Variants in OTUD7A observed in about 807,000 individuals in gnomAD.
OTUD7A encodes the protein OTU domain-containing protein 7A.
A neutral mutation model predicts 65.7 loss-of-function variants in OTUD7A; 12 were observed. That is an observed-to-expected ratio of 0.18 (90% CI 0.12 to 0.30). The LOEUF (loss-of-function observed/expected upper bound fraction) is 0.30. OTUD7A is among the 10% of genes least tolerant of loss of function. The pLI is 1.00. For missense variants in OTUD7A, 1,148 were observed against 1,304.8 expected (o/e 0.88, Z 1.85); for synonymous variants, 641 against 586.3 (o/e 1.09, Z -1.35).
chr15:31,805,330 G>A (rs1176816499), intron 1 of OTUD7A, among the ~76,000 whole-genome samples: 1 of 152,208 alleles, frequency 6.6e-6, no homozygotes, highest in Non-Finnish European at 1.5e-5. Context: ...GCACTGGCAG[G>A]CTCCTGTAGA....
At chr15:31,765,311 T>C (rs1430992686) in intron 1 of OTUD7A, among the ~76,000 whole-genome samples, 6 of 152,128 alleles carry the variant, frequency 3.9e-5, no homozygotes, top group African/African-American at 9.7e-5. Flanking sequence ...AATTATTTCA[T>C]TGAGTTTTCA....
At chr15:31,630,450 T>C (rs1013379712) in intron 3 of OTUD7A, among the ~76,000 whole-genome samples, 1 of 152,264 alleles carries the variant, frequency 6.6e-6, no homozygotes, top group African/African-American at 2.4e-5. Context: ...CACTGTGGTC[T>C]GAGAGACAGT....
At chr15:31,739,567 T>C (rs539904539) in intron 1 of OTUD7A, among the ~76,000 whole-genome samples, 1 of 152,286 alleles carries the variant, frequency 6.6e-6, no homozygotes, top group South Asian at 2.1e-4. Flanking sequence ...CTAAGGTTTT[T>C]AAAATGCAAT....
At chr15:31,728,829 C>T (rs151305355) in intron 1 of OTUD7A, among the ~76,000 whole-genome samples, 59 of 152,332 alleles carry the variant, frequency 3.9e-4, no homozygotes, top group African/African-American at 1.2e-3. Context: ...TATACTGTGA[C>T]GTCCAGGTAG....
At chr15:31,621,759 A>G (rs1027456675) in intron 3 of OTUD7A, among the ~76,000 whole-genome samples, 32 of 149,392 alleles carry the variant, frequency 2.1e-4, no homozygotes, top group African/African-American at 6.8e-4. Context: ...CATTTAGCCC[A>G]TTTACATTTA....
In OTUD7A at chr15:31,643,849, G is replaced by C. The variant is rs142662827; in HGVS notation, c.151+11247C>G. ...CAGCTAGGCAGATAGTTAGGGCAGA[G>C]AGTCCTTGGCAGAACTTCCCTTCTA... On this transcript the variant is annotated intron_variant, in intron 3 of 12. Coordinates refer to ENST00000307050, the MANE Select transcript of OTUD7A (RefSeq NM_001382637.1). Among the ~76,000 whole-genome samples the C allele has an allele frequency of 3.5e-3, 535 of 152,330 alleles. 5 individuals carry two copies. Among genetic ancestry groups the C allele is most frequent in the African/African-American group, 0.012 (518 of 41,578 alleles).
chr15:31,690,869 T>C (rs940146344), intron 1 of OTUD7A, among the ~76,000 whole-genome samples: 4 of 152,222 alleles, frequency 2.6e-5, no homozygotes, highest in African/African-American at 9.7e-5. Flanking sequence ...AAACTGGATT[T>C]GACAAGTATT....
At chr15:31,790,711 C>T (rs59313549) in intron 1 of OTUD7A, among the ~76,000 whole-genome samples, 2,582 of 152,266 alleles carry the variant, frequency 0.017, 74 homozygotes, top group African/African-American at 0.058. Context: ...TCAGAAAATG[C>T]AGCCATCTCT....
chr15:31,491,508 AG>A (rs1313858168), intron 10 of OTUD7A, among the ~76,000 whole-genome samples: 1 of 152,246 alleles, frequency 6.6e-6, no homozygotes, highest in African/African-American at 2.4e-5. Context: ...AGCATCTAAG[AG>A]CTGTGTGACA....
chr15:31,573,399 C>T (rs10519729), intron 3 of OTUD7A, among the ~76,000 whole-genome samples: 49,639 of 152,068 alleles, frequency 0.33, 10,554 homozygotes, highest in African/African-American at 0.61. Flanking sequence ...GAATAAGAGT[C>T]TGGCAAAGGA....
At chr15:31,516,618 C>T (rs1292111454) in intron 8 of OTUD7A, among the ~76,000 whole-genome samples, 2 of 152,204 alleles carry the variant, frequency 1.3e-5, no homozygotes, top group African/African-American at 4.8e-5. Flanking sequence ...TAGAACACCA[C>T]ACCCAAAGAC....
intron 1 of OTUD7A, among the ~76,000 whole-genome samples, chr15:31,845,324 G>A (rs954835956): frequency 9.2e-5 from 14 of 152,136 alleles, no homozygotes; most frequent in African/African-American, 1.9e-4. Context: ...AAAAGGCTGC[G>A]GAGCCACACT....
intron 5 of OTUD7A, among the ~76,000 whole-genome samples, chr15:31,539,880 G>C (rs1217918937): frequency 6.6e-6 from 1 of 152,188 alleles, no homozygotes; most frequent in East Asian, 1.9e-4. Flanking sequence ...TAGATGTGAA[G>C]ATGTTCAAGA....
In OTUD7A at chr15:31,484,158, G is replaced by T; in HGVS notation, c.1938C>A (p.Gly646=). 6.2e-7 allele frequency: 1 copy of T among 1,610,372 alleles called. No individual in the cohort carries two copies. Among genetic ancestry groups the T allele is most frequent in the Admixed American group, 1.7e-5 (1 of 59,950 alleles). ...MQGERKFIFA[G]LLLTSHRHQF... ...GGTGCCGGTGGCTGGTGAGCAGCAG[G>T]CCGGCGAAGATGAACTTGCGCTCCC... The change falls in exon 13 of 13, where the codon GGC becomes GGA. Residue 646 remains glycine, a synonymous_variant. Coordinates refer to ENST00000307050, the MANE Select transcript of OTUD7A (RefSeq NM_001382637.1). This position sits in a 1 kb window ranked among gnomAD's most constrained non-coding sequence, Gnocchi z 4.5.
At chr15:31,694,723 T>C (rs1893035292) in intron 1 of OTUD7A, among the ~76,000 whole-genome samples, 1 of 152,212 alleles carries the variant, frequency 6.6e-6, no homozygotes, top group Non-Finnish European at 1.5e-5. Flanking sequence ...AGTATTTGTC[T>C]TTCTGTGCCT....
intron 8 of OTUD7A, among the ~76,000 whole-genome samples, chr15:31,520,658 A>G (rs753261004): frequency 6.6e-6 from 1 of 152,232 alleles, no homozygotes; most frequent in Non-Finnish European, 1.5e-5. Context: ...TGGTGAGGAT[A>G]TAATGAAAAG....
At chr15:31,740,156 C>T (rs1047911732) in intron 1 of OTUD7A, among the ~76,000 whole-genome samples, 1 of 152,074 alleles carries the variant, frequency 6.6e-6, no homozygotes, top group African/African-American at 2.4e-5. Flanking sequence ...GATTCTGGAA[C>T]AAGGATGTGG....
chr15:31,612,869 G>A (rs1207315596), intron 3 of OTUD7A, among the ~76,000 whole-genome samples: 1 of 152,078 alleles, frequency 6.6e-6, no homozygotes, highest in Non-Finnish European at 1.5e-5. Context: ...AAATCTGGAG[G>A]CATCACACTA....
At chr15:31,625,453 G>A (rs1481706645) in intron 3 of OTUD7A, among the ~76,000 whole-genome samples, 2 of 151,232 alleles carry the variant, frequency 1.3e-5, no homozygotes, top group African/African-American at 4.8e-5. Context: ...ACATACAAAT[G>A]CACCAGAATG....
Sources: allele counts gnomAD v4.1 joint callset (sites outside exome capture counted in the v4.1 genomes callset), GRCh38; gene constraint gnomAD v4.1.1; non-coding constraint Gnocchi (gnomAD v3.1); transcripts MANE v1.5; gene names NCBI Gene and HGNC (gene_info 2026-07-23, HGNC 2026-07-21).